The following CCSER2 variants were observed in gnomAD, a reference collection of about 807,000 sequenced individuals.
CCSER2 encodes the protein serine-rich coiled-coil domain-containing protein 2.
In CCSER2, 46 loss-of-function variants were observed where a neutral mutation model predicts 92.3. That is an observed-to-expected ratio of 0.50 (90% CI 0.39 to 0.64). The LOEUF is 0.64. Ranked by LOEUF, CCSER2 falls within the 30% of genes least tolerant of loss-of-function variation. CCSER2 has a pLI of 0.00. For missense variants in CCSER2, 1,244 were observed against 1,238.9 expected (o/e 1.00, Z -0.06); for synonymous variants, 433 against 431.4 (o/e 1.00, Z -0.04).
At position 84,517,056 on chromosome 10, in the gene CCSER2, A is replaced by G. The variant is rs1228091376; in HGVS notation, c.*2789A>G. 6.6e-6 allele frequency: 1 copy of G among 152,206 alleles called. No homozygotes were observed. Among genetic ancestry groups the G allele is most frequent in the African/African-American group, 2.4e-5 (1 of 41,458 alleles). The allele number at this position is 152,206 out of a possible 1,614,324, so 9.4% of individuals were successfully genotyped here. ...GGCTTGATCTGTGTTTATTGCTTCT[A>G]TTAATGTAAATCAACTCTGTGCCAA... On this transcript the variant is annotated 3_prime_UTR_variant, in exon 10 of 10. Transcript: ENST00000372088.
chr10:84,425,665 G>A, intron 4 of CCSER2, 66 bp from the exon 5 acceptor site: 1 of 1,080,002 alleles, frequency 9.3e-7, no homozygotes, highest in South Asian at 2.5e-5. Flanking sequence ...TAATTATCAA[G>A]CTATAAGAGT....
At chr10:84,386,349 TG>T (rs1428337771) in intron 3 of CCSER2, among the ~76,000 whole-genome samples, 4 of 152,224 alleles carry the variant, frequency 2.6e-5, no homozygotes, top group African/African-American at 7.2e-5. Flanking sequence ...TCAACTTAAG[TG>T]TCCATTAGTA....
At chr10:84,474,774 A>G (rs1589762927) in intron 8 of CCSER2, among the ~76,000 whole-genome samples, 1 of 152,218 alleles carries the variant, frequency 6.6e-6, no homozygotes, top group East Asian at 1.9e-4. Context: ...TGGATACATG[A>G]TGAATAGCAA....
intron 3 of CCSER2, chr10:84,389,055 C>A: frequency 4.0e-6 from 1 of 251,486 alleles, no homozygotes; most frequent in South Asian, 4.2e-5. Flanking sequence ...GCATTACTAC[C>A]ACCAAATCCT....
At position 84,328,619 on chromosome 10, in the gene CCSER2, G is replaced by C. The variant is rs1162069721; in HGVS notation, c.-229G>C. The C allele has an allele frequency of 6.6e-6, 1 of 150,834 alleles. No individual in the cohort carries two copies. Among genetic ancestry groups the C allele is most frequent in the East Asian group, 1.9e-4 (1 of 5,140 alleles). The allele number at this position is 150,834 out of a possible 1,614,324, so 9.3% of individuals were successfully genotyped here. On this transcript the variant is annotated 5_prime_UTR_variant, in exon 1 of 10. Coordinates refer to ENST00000372088, the MANE Select transcript of CCSER2 (RefSeq NM_001284240.2). ...CCGGGCGGGCGCCGGCCGAGGGAGG[G>C]GGCGCGGCGGCTTTGGAGTCCGGCG...
chr10:84,393,479 T>G (rs1364211975), intron 3 of CCSER2, among the ~76,000 whole-genome samples: 5 of 152,212 alleles, frequency 3.3e-5, no homozygotes, highest in Non-Finnish European at 5.9e-5. Context: ...TTTTTTTTTG[T>G]TCAAAGCATG....
At position 84,340,594 on chromosome 10, in the gene CCSER2, A is replaced by G. The variant is rs956549341; in HGVS notation, c.-40+11786A>G. On this transcript the variant is annotated intron_variant, in intron 1 of 9. Coordinates refer to ENST00000372088, the MANE Select transcript of CCSER2 (RefSeq NM_001284240.2). ...TTGTTGATGATTTATTTTCTATCCCATATCTCTATTTTTGTCTGAATTTTT... is the reference window on the plus strand; with the variant it reads ...TTGTTGATGATTTATTTTCTATCCCGTATCTCTATTTTTGTCTGAATTTTT... 2.0e-5 allele frequency among the ~76,000 whole-genome samples: 3 copies of G among 150,806 alleles called. No homozygotes were observed. In the East Asian group the frequency reaches 5.8e-4, roughly 29 times the overall value.
chr10:84,485,986 A>G (rs1847784981), intron 9 of CCSER2, among the ~76,000 whole-genome samples: 4 of 152,150 alleles, frequency 2.6e-5, no homozygotes, highest in African/African-American at 9.7e-5. Context: ...GAGTGAGAAC[A>G]TGCGGTGTTT....
chr10:84,381,917 C>CA (rs544545707), intron 3 of CCSER2, among the ~76,000 whole-genome samples: 46,895 of 119,760 alleles, frequency 0.39, 9,878 homozygotes, highest in East Asian at 0.49. Flanking sequence ...AAGGCTTTCT[C>CA]AAAAAAAAAA....
chr10:84,382,754 G>C (rs1476469710), intron 3 of CCSER2, among the ~76,000 whole-genome samples: 1 of 152,180 alleles, frequency 6.6e-6, no homozygotes, highest in Non-Finnish European at 1.5e-5. Context: ...ATCACTGAAA[G>C]TATCTGGCTT....
chr10:84,457,791 G>T (rs1845863536), intron 6 of CCSER2, among the ~76,000 whole-genome samples: 1 of 148,874 alleles, frequency 6.7e-6, no homozygotes, highest in Non-Finnish European at 1.5e-5. Context: ...GCCCAGGCTA[G>T]AGTGCAGTGG....
intron 6 of CCSER2, among the ~76,000 whole-genome samples, chr10:84,441,217 C>T (rs1340941525): frequency 3.3e-5 from 5 of 151,990 alleles, no homozygotes; most frequent in South Asian, 2.1e-4. Context: ...TTTTGTTATA[C>T]GTTTTTCTTT....
intron 1 of CCSER2, among the ~76,000 whole-genome samples, chr10:84,367,306 A>C (rs897201142): frequency 3.3e-5 from 5 of 151,654 alleles, no homozygotes; most frequent in Non-Finnish European, 7.4e-5. Context: ...CAGGGATACT[A>C]ATTATCTTTC....
chr10:84,395,393 C>T (rs1841776316), intron 3 of CCSER2, among the ~76,000 whole-genome samples: 1 of 152,038 alleles, frequency 6.6e-6, no homozygotes, highest in African/African-American at 2.4e-5. Context: ...GACACTGAAG[C>T]TAAGAGTCTT....
intron 6 of CCSER2, among the ~76,000 whole-genome samples, chr10:84,453,775 G>A (rs7920654): frequency 0.015 from 2,270 of 152,190 alleles, 57 homozygotes; most frequent in African/African-American, 0.051. Flanking sequence ...GTATATACAT[G>A]TTTATGATTG....
intron 6 of CCSER2, chr10:84,452,095 C>G (rs1845329478): frequency 6.6e-6 from 1 of 152,208 alleles, no homozygotes; most frequent in Admixed American, 6.5e-5. Flanking sequence ...TTCCTCTGCT[C>G]CCTTTCCTAG....
intron 9 of CCSER2, among the ~76,000 whole-genome samples, chr10:84,488,445 A>T (rs1472583176): frequency 6.6e-6 from 1 of 152,142 alleles, no homozygotes. Context: ...TCAGGGATTC[A>T]AGTTCTTCCT....
At chr10:84,472,401 T>A (rs1306743241) in intron 8 of CCSER2, among the ~76,000 whole-genome samples, 1 of 152,072 alleles carries the variant, frequency 6.6e-6, no homozygotes, top group African/African-American at 2.4e-5. Context: ...AAACCCTGTC[T>A]CTACTAAAAA....
At chr10:84,358,674 G>A (rs922752149) in intron 1 of CCSER2, among the ~76,000 whole-genome samples, 26 of 146,388 alleles carry the variant, frequency 1.8e-4, no homozygotes, top group African/African-American at 5.8e-4. Flanking sequence ...ATACATATAT[G>A]TATATATATA....
Sources: gnomAD v4.1 joint callset for allele counts (sites outside exome capture counted in the v4.1 genomes callset) on GRCh38, gnomAD v4.1.1 for gene constraint, MANE v1.5 for transcripts, NCBI Gene and HGNC (gene_info 2026-07-23, HGNC 2026-07-21) for gene names.